VPS53: variants seen among roughly 807,000 people sequenced by gnomAD.
VPS53 encodes VPS53 subunit of GARP complex, also known as vacuolar protein sorting-associated protein 53 homolog.
VPS53 carries 70 observed loss-of-function variants against 107.0 expected under a neutral mutation model. That is an observed-to-expected ratio of 0.65 (90% CI 0.54 to 0.80). VPS53 has a LOEUF of 0.80. Among genes scored for constraint, VPS53 ranks in the 30% least tolerant of loss-of-function variants. The probability of loss-of-function intolerance (pLI) is 0.00; values close to 1 mark genes in which losing one functional copy is unlikely to be tolerated. For missense variants in VPS53, 917 were observed against 1,049.4 expected (o/e 0.87, Z 1.74); for synonymous variants, 409 against 393.3 (o/e 1.04, Z -0.47).
At chr17:525,459 C>A (rs1256270546) in intron 19 of VPS53, among the ~76,000 whole-genome samples, 1 of 151,766 alleles carries the variant, frequency 6.6e-6, no homozygotes, top group Non-Finnish European at 1.5e-5. Flanking sequence ...GAGGCTGAGG[C>A]AGAAGGATCA....
intron 4 of VPS53, among the ~76,000 whole-genome samples, chr17:689,900 T>C (rs1196686893): frequency 6.6e-6 from 1 of 152,204 alleles, no homozygotes; most frequent in Non-Finnish European, 1.5e-5. Context: ...TATCTCTATG[T>C]AAAAGTGAAG....
At chr17:532,968 C>A (rs934198111) in intron 18 of VPS53, 57 bp from the exon 19 acceptor site, 3 of 1,578,748 alleles carry the variant, frequency 1.9e-6, no homozygotes, top group Admixed American at 3.6e-5. Context: ...GAAAGAAATG[C>A]AAAAACTTTA....
chr17:555,410 G>A (rs1912240627), intron 15 of VPS53, among the ~76,000 whole-genome samples: 1 of 152,176 alleles, frequency 6.6e-6, no homozygotes, highest in Non-Finnish European at 1.5e-5. Flanking sequence ...TGTTGGCCAT[G>A]CTGGTCTCAA....
At position 692,249 on chromosome 17, in the gene VPS53, T is replaced by C. The variant is rs185367153; in HGVS notation, c.285+5169A>G. Among the ~76,000 whole-genome samples the C allele has an allele frequency of 1.0e-3, 154 of 152,318 alleles. 1 individual carries two copies. The highest frequency in any genetic ancestry group is 3.3e-3 in the African/African-American group (139 of 41,578). On this transcript the variant is annotated intron_variant, in intron 4 of 21. Coordinates refer to ENST00000437048, the MANE Select transcript of VPS53 (RefSeq NM_001128159.3). Reference sequence around the variant, plus strand: ...CGTTCAAGCCATCCATTTTAATTCTTGGGAAGCTGCAAAAATTTCATAGCA... The same window carrying C: ...CGTTCAAGCCATCCATTTTAATTCTCGGGAAGCTGCAAAAATTTCATAGCA...
chr17:577,010 A>G (rs961997390), intron 13 of VPS53, among the ~76,000 whole-genome samples: 4 of 147,860 alleles, frequency 2.7e-5, no homozygotes, highest in Middle Eastern at 3.6e-3. Context: ...CAGGACCTCA[A>G]TGCATTCCCA....
At chr17:656,290 G>C (rs1029243844) in intron 5 of VPS53, among the ~76,000 whole-genome samples, 11 of 152,196 alleles carry the variant, frequency 7.2e-5, no homozygotes, top group Admixed American at 1.3e-4. Flanking sequence ...TGAACAAGGT[G>C]AGGAAAGTGT....
At chr17:572,728 C>T (rs951744325) in intron 13 of VPS53, among the ~76,000 whole-genome samples, 1 of 149,624 alleles carries the variant, frequency 6.7e-6, no homozygotes, top group South Asian at 2.1e-4. Flanking sequence ...TGTGACCTTA[C>T]CCCCAACCCT....
In VPS53 at chr17:682,304, G is replaced by A. The variant is rs192249606; in HGVS notation, c.285+15114C>T. ...CCCGCTGATCAGCTGTGCTTCTGCCGAGGATGCAGAAAGCAGAAAGAGTGC... is the reference window on the plus strand; with the variant it reads ...CCCGCTGATCAGCTGTGCTTCTGCCAAGGATGCAGAAAGCAGAAAGAGTGC... On this transcript the variant is annotated intron_variant, in intron 4 of 21. Coordinates refer to ENST00000437048, the MANE Select transcript of VPS53 (RefSeq NM_001128159.3). 3.0e-4 allele frequency among the ~76,000 whole-genome samples: 46 copies of A among 152,258 alleles called. No individual in the cohort carries two copies. In the South Asian group the frequency reaches 6.6e-3, roughly 22 times the overall value.
chr17:546,329 T>TCTCACACACACACACA, intron 17 of VPS53, among the ~76,000 whole-genome samples: 2 of 131,976 alleles, frequency 1.5e-5, no homozygotes, highest in South Asian at 5.2e-4. Context: ...CTTAGATATC[T>TCTCACACACACACACA]CACACACACA....
At chr17:584,918 G>A (rs1371965025) in intron 13 of VPS53, among the ~76,000 whole-genome samples, 1 of 152,190 alleles carries the variant, frequency 6.6e-6, no homozygotes, top group South Asian at 2.1e-4. Flanking sequence ...ATAGGGGAGA[G>A]GGAAAATTCT....
At chr17:619,965 C>A (rs1969399370) in intron 11 of VPS53, among the ~76,000 whole-genome samples, 2 of 152,046 alleles carry the variant, frequency 1.3e-5, no homozygotes, top group Admixed American at 6.5e-5. Context: ...GGACTACAGG[C>A]GTGCGCCACC....
At position 518,945 on chromosome 17, in the gene VPS53, A is replaced by G; in HGVS notation, c.*183T>C. 1 of 614,992 alleles carries G rather than the reference A, an allele frequency of 1.6e-6. No homozygotes were observed. Among genetic ancestry groups the G allele is most frequent in the East Asian group, 3.1e-5 (1 of 31,764 alleles). The allele number at this position is 614,992 out of a possible 1,614,324, so 38.1% of individuals were successfully genotyped here. ...CCCTCTTAGAGCCCAGCCCTTACTC[A>G]GCGTCTCCGATTAGGGCAGGAAGTA... is the stretch of plus-strand genomic sequence containing the variant. On this transcript the variant is annotated 3_prime_UTR_variant, in exon 22 of 22. Coordinates refer to ENST00000437048, the MANE Select transcript of VPS53 (RefSeq NM_001128159.3).
Position 626,891 on chromosome 17 carries a change from G to C in VPS53, c.974+283C>G, listed in dbSNP as rs535449839. Among the ~76,000 whole-genome samples the C allele has an allele frequency of 3.9e-5, 6 of 152,262 alleles. No homozygotes were observed. In the South Asian group the frequency reaches 8.3e-4, roughly 21 times the overall value. On this transcript the variant is annotated intron_variant, in intron 10 of 21. Transcript: ENST00000437048. ...CGATACCGACTAGGGGAAAACGTGG[G>C]GTAGAGGAATCACTGTAGGTCAATC...
At chr17:669,756 G>A in intron 4 of VPS53, among the ~76,000 whole-genome samples, 1 of 149,962 alleles carries the variant, frequency 6.7e-6, no homozygotes, top group East Asian at 2.0e-4. Flanking sequence ...GCTGGGTGTG[G>A]TGGCGCATGC....
At chr17:700,393 A>AT (rs1973152708) in intron 2 of VPS53, among the ~76,000 whole-genome samples, 1 of 151,970 alleles carries the variant, frequency 6.6e-6, no homozygotes, top group Non-Finnish European at 1.5e-5. Context: ...AAATACAAAA[A>AT]AAAAAAAATT....
rs1908208491 is a variant in VPS53, at chr17:515,123, T to C, written c.*4005A>G. Reference sequence around the variant, plus strand: ...CCAAAGTGACTTCAAAGTTGTTTTTTGGTTTTTAAAGGGGCTACAGAAAAT... The same window carrying C: ...CCAAAGTGACTTCAAAGTTGTTTTTCGGTTTTTAAAGGGGCTACAGAAAAT... On this transcript the variant is annotated 3_prime_UTR_variant, in exon 22 of 22. Coordinates refer to ENST00000437048, the MANE Select transcript of VPS53 (RefSeq NM_001128159.3). The C allele has an allele frequency of 6.6e-6, 1 of 152,234 alleles. No individual in the cohort carries two copies. Among genetic ancestry groups the C allele is most frequent in the African/African-American group, 2.4e-5 (1 of 41,448 alleles). The allele number at this position is 152,234 out of a possible 1,614,324, so 9.4% of individuals were successfully genotyped here. A position where few individuals can be genotyped will look rare whatever the true frequency, so the allele number is the denominator to read the frequency against.
intron 13 of VPS53, among the ~76,000 whole-genome samples, chr17:584,198 T>C (rs933586323): frequency 3.2e-4 from 48 of 152,222 alleles, no homozygotes; most frequent in African/African-American, 1.1e-3. Flanking sequence ...CTTTAGACTG[T>C]GAGGCTTCCT....
chr17:566,101 G>A (rs938816210), intron 13 of VPS53, among the ~76,000 whole-genome samples: 2 of 150,614 alleles, frequency 1.3e-5, no homozygotes, highest in African/African-American at 2.4e-5. Context: ...CTACTTGGGA[G>A]GCTGAGGCAG....
chr17:586,418 C>A, intron 12 of VPS53, 54 bp from the exon 13 acceptor site: 1 of 1,550,620 alleles, frequency 6.4e-7, no homozygotes, highest in Non-Finnish European at 8.9e-7. Flanking sequence ...TGCAAATGTT[C>A]AAGAATTTTT....
Sources: gnomAD v4.1 joint callset for allele counts (sites outside exome capture counted in the v4.1 genomes callset) on GRCh38, gnomAD v4.1.1 for gene constraint, MANE v1.5 for transcripts, NCBI Gene and HGNC (gene_info 2026-07-23, HGNC 2026-07-21) for gene names.